The following SEMA4G variants were observed in gnomAD, a reference collection of about 807,000 sequenced individuals.
SEMA4G encodes semaphorin 4G.
In SEMA4G, 59 loss-of-function variants were observed where a neutral mutation model predicts 81.2. The ratio of observed to expected loss-of-function variants is 0.73; its 90% CI spans 0.59 to 0.90. SEMA4G has a LOEUF of 0.90. Among genes scored for constraint, SEMA4G ranks in the 40% least tolerant of loss-of-function variants. The probability of loss-of-function intolerance (pLI) is 0.00; values close to 1 mark genes in which losing one functional copy is unlikely to be tolerated. For synonymous variants in SEMA4G, 404 were observed against 433.9 expected, an observed-to-expected ratio of 0.93 and a Z score of 0.86; for missense variants, 952 against 1,102.3, an observed-to-expected ratio of 0.86 and a Z score of 1.93.
At chr10:100,979,796 G>A in intron 8 of SEMA4G, 52 bp from the exon 10 acceptor site, 1 of 1,600,920 alleles carries the variant, frequency 6.2e-7, no homozygotes, top group Non-Finnish European at 8.5e-7. Flanking sequence ...CGAGTTGGGG[G>A]GCAGGCTTGA....
Position 100,973,005 on chromosome 10 carries a change from T to C in SEMA4G, c.93T>C (p.Asp31=). 1 of 1,614,094 alleles carries C rather than the reference T, an allele frequency of 6.2e-7. No individual in the cohort carries two copies. Among genetic ancestry groups the C allele is most frequent in the Non-Finnish European group, 8.5e-7 (1 of 1,180,010 alleles). ...TGCGGAGACCGTCTAGAGAACTAGA[T>C]GCCACCCCTCGGATGACCATACCCT... Residue 31 remains aspartate (D), a synonymous_variant, in exon 1 of 14, where the codon GAT becomes GAC. Coordinates refer to ENST00000370250, the Ensembl canonical transcript of SEMA4G. The surrounding 1 kb of genome is among the most constrained non-coding windows in gnomAD (Gnocchi z 5.5).
At chr10:100,972,102 G>A (rs1051857975), upstream of SEMA4G, among the ~76,000 whole-genome samples, 11 of 152,136 alleles carry the variant, frequency 7.2e-5, no homozygotes, top group African/African-American at 2.4e-4. Flanking sequence ...GGGAAAGCAG[G>A]ACAAAATAAA....
Position 100,979,497 on chromosome 10 carries a change from C to T in SEMA4G, c.983+226C>T. ...TCCCGGGTTCAAGTGATTATCCTGCCTCGGCCTCCCGAGTAGCTGGGACTA... is the reference window on the plus strand; with the variant it reads ...TCCCGGGTTCAAGTGATTATCCTGCTTCGGCCTCCCGAGTAGCTGGGACTA... On this transcript the variant is annotated intron_variant, in intron 8 of 13. Transcript: ENST00000370250. 2.4e-6 allele frequency: 3 copies of T among 1,224,954 alleles called. No individual in the cohort carries two copies. In the South Asian group the frequency reaches 4.7e-5, roughly 19 times the overall value. The allele number at this position is 1,224,954 out of a possible 1,614,324, so 75.9% of individuals were successfully genotyped here.
chr10:100,980,007 C>T lies in SEMA4G; in HGVS notation c.1128+15C>T, dbSNP rs376040935. ...GGCCTGGCTCGGTGAGTGCCCAGGC[C>T]TGGGGCCAGTGCTGAGTAGACAGAG... On this transcript the variant is annotated intron_variant, in intron 9 of 13. Coordinates refer to ENST00000370250, the Ensembl canonical transcript of SEMA4G. The T allele has an allele frequency of 1.7e-5, 28 of 1,613,932 alleles. No homozygotes were observed. The highest frequency in any genetic ancestry group is 2.4e-5 in the Non-Finnish European group (28 of 1,179,962).
At chr10:100,979,424 C>G in intron 8 of SEMA4G, 153 bp downstream of exon 9, 1 of 1,555,182 alleles carries the variant, frequency 6.4e-7, no homozygotes, top group Non-Finnish European at 8.7e-7. Flanking sequence ...TGCTCTGTTG[C>G]CAGGCTGGAG....
At chr10:100,979,813 G>A in intron 8 of SEMA4G, 35 bp from the exon 10 acceptor site, 1 of 1,609,362 alleles carries the variant, frequency 6.2e-7, no homozygotes, top group Non-Finnish European at 8.5e-7. Context: ...TTGACTCCAT[G>A]TAACTCACCC....
exon 5 of SEMA4G, chr10:100,978,344 A>C (rs1215594471): frequency 1.6e-5 from 26 of 1,613,658 alleles, no homozygotes; most frequent in Non-Finnish European, 2.2e-5. Context: ...GGGAAGGAGA[A>C]GTGTCCTTAT....
chr10:100,978,227 G>C (rs1850885691), intron 4 of SEMA4G, 68 bp from the exon 6 acceptor site: 1 of 1,177,458 alleles, frequency 8.5e-7, no homozygotes, highest in Non-Finnish European at 1.2e-6. Flanking sequence ...ACCCCAGACT[G>C]ATCTGACTTT....
chr10:100,984,335 A>G, exon 14 of SEMA4G: 2 of 1,442,314 alleles, frequency 1.4e-6, no homozygotes. Flanking sequence ...TGAGCAGCCC[A>G]GGCCCATCGG....
chr10:100,973,299 C>A lies in SEMA4G; in HGVS notation c.273+22C>A. ...AGAGGTCAGGCCCTGGAACCTGGAC[C>A]ACCCAGAGGGTCTCTATGCTTATCC... is the stretch of plus-strand genomic sequence containing the variant. On this transcript the variant is annotated intron_variant, in intron 2 of 13. Coordinates refer to ENST00000370250, the Ensembl canonical transcript of SEMA4G. The surrounding 1 kb of genome is among the most constrained non-coding windows in gnomAD (Gnocchi z 5.5). 1.2e-6 allele frequency: 2 copies of A among 1,611,046 alleles called. No homozygotes were observed. The highest frequency in any genetic ancestry group is 1.7e-6 in the Non-Finnish European group (2 of 1,179,904).
At chr10:100,984,148 C>A (rs1011343221) in exon 14 of SEMA4G, 2 of 1,590,364 alleles carry the variant, frequency 1.3e-6, no homozygotes, top group African/African-American at 2.7e-5. Context: ...CCTCCCAGAA[C>A]AAATGCTCTT....
chr10:100,979,964 G>A (rs764005138), exon 9 of SEMA4G: 5 of 1,613,994 alleles, frequency 3.1e-6, no homozygotes, highest in Non-Finnish European at 2.5e-6. Context: ...CGCTATGAGG[G>A]TGGGGTGCCT....
intron 8 of SEMA4G, 79 bp from the exon 10 acceptor site, chr10:100,979,765 CAGTG>C (rs1850968242): frequency 2.6e-6 from 4 of 1,538,116 alleles, no homozygotes; most frequent in East Asian, 4.5e-5. Flanking sequence ...GCCAGGGTAA[CAGTG>C]AGCTTCAGGC....
chr10:100,979,179 A>G lies in SEMA4G; in HGVS notation c.891A>G (p.Pro297=), dbSNP rs188155769. ...AAGCCCGTCTCATCTGCCACATTCC[A>G]CTGTATGAGACACTGCGTGGGGTCT... Residue 297 remains proline (P), a synonymous_variant, in exon 8 of 14, where the codon CCA becomes CCG. Transcript: ENST00000370250. 2,553 of 1,614,082 alleles carry G rather than the reference A, an allele frequency of 1.6e-3. 68 individuals are homozygous for G. The Admixed American group carries it at 0.04, about 25-fold the overall frequency.
At chr10:100,984,717 C>T in exon 14 of SEMA4G, 1 of 1,536,120 alleles carries the variant, frequency 6.5e-7, no homozygotes, top group African/African-American at 1.4e-5. Flanking sequence ...GGTACCCTCC[C>T]AATTGCCACA....
exon 8 of SEMA4G, chr10:100,979,251 C>T: frequency 6.2e-7 from 1 of 1,614,226 alleles, no homozygotes; most frequent in Non-Finnish European, 8.5e-7. Context: ...TCTATGCAGC[C>T]TTCACGCTGA....
At chr10:100,983,545 C>A in exon 14 of SEMA4G, 1 of 1,614,088 alleles carries the variant, frequency 6.2e-7, no homozygotes, top group Non-Finnish European at 8.5e-7. Context: ...ACCCTGCTGG[C>A]CTCCTATAGT....
At chr10:100,984,494 G>A in exon 14 of SEMA4G, 4 of 1,533,854 alleles carry the variant, frequency 2.6e-6, no homozygotes, top group Non-Finnish European at 3.5e-6. Context: ...TCCCAGGCAG[G>A]GCTCTGCAGG....
At chr10:100,985,100 A>AC, downstream of SEMA4G, 4 of 539,404 alleles carry the variant, frequency 7.4e-6, no homozygotes, top group Non-Finnish European at 9.5e-6. Flanking sequence ...AGGATGGATG[A>AC]CCAACACTGC....
Sources: allele counts gnomAD v4.1 joint callset (sites outside exome capture counted in the v4.1 genomes callset), GRCh38; gene constraint gnomAD v4.1.1; non-coding constraint Gnocchi (gnomAD v3.1); transcripts MANE v1.5; gene names NCBI Gene and HGNC (gene_info 2026-07-23, HGNC 2026-07-21).